Variants in NCOA7 observed in about 807,000 individuals in gnomAD.
NCOA7 encodes 140 kDa estrogen receptor-associated protein.
Under a neutral mutation model 104.3 loss-of-function variants are expected in NCOA7, and 45 were observed. The ratio of observed to expected loss-of-function variants is 0.43; its 90% CI spans 0.34 to 0.55. NCOA7 has a LOEUF of 0.55. Ranked by LOEUF, NCOA7 falls within the 20% of genes least tolerant of loss-of-function variation. NCOA7 has a pLI of 0.02. For synonymous variants in NCOA7, 398 were observed against 402.3 expected (o/e 0.99, Z 0.13); for missense variants, 1,041 against 1,119.7 (o/e 0.93, Z 1.00).
chr6:125,878,999 G>A (rs565668688), intron 5 of NCOA7, among the ~76,000 whole-genome samples: 2 of 152,148 alleles, frequency 1.3e-5, no homozygotes, highest in Non-Finnish European at 1.5e-5. Context: ...CAATTGAATC[G>A]CAATCTATGT....
At chr6:125,854,997 T>C (rs1376029323) in intron 2 of NCOA7, 23 bp from the exon 3 acceptor site, 28 of 1,519,446 alleles carry the variant, frequency 1.8e-5, no homozygotes, top group Non-Finnish European at 2.5e-5. Flanking sequence ...CAATGTTTTT[T>C]CTTTTTTTTC....
intron 2 of NCOA7, among the ~76,000 whole-genome samples, chr6:125,833,204 A>G (rs1779327956): frequency 6.6e-6 from 1 of 152,176 alleles, no homozygotes; most frequent in Non-Finnish European, 1.5e-5. Context: ...AGAAATTAAG[A>G]AAAAAGTGGA....
intron 15 of NCOA7, 91 bp downstream of exon 15, chr6:125,928,338 G>A (rs1023627412): frequency 8.4e-7 from 1 of 1,185,132 alleles, no homozygotes; most frequent in Non-Finnish European, 1.2e-6. Flanking sequence ...AAACTTCGGT[G>A]TCAGGTTATT....
chr6:125,815,528 G>T (rs1048919163), intron 2 of NCOA7, 124 bp downstream of exon 2: 46 of 717,786 alleles, frequency 6.4e-5, no homozygotes, highest in Non-Finnish European at 9.8e-5. Flanking sequence ...AGGTAACCAG[G>T]AGAAGTAAAC....
chr6:125,828,869 T>C (rs1311197203), intron 2 of NCOA7, among the ~76,000 whole-genome samples: 1 of 152,162 alleles, frequency 6.6e-6, no homozygotes, highest in East Asian at 1.9e-4. Context: ...GTTTTCTCAT[T>C]TTTATAGGCA....
chr6:125,821,509 G>C (rs1367974426), intron 2 of NCOA7, among the ~76,000 whole-genome samples: 3 of 152,150 alleles, frequency 2.0e-5, no homozygotes, highest in Non-Finnish European at 2.9e-5. Flanking sequence ...TCTGTGGGCA[G>C]TCTTGACAGC....
chr6:125,835,977 A>G (rs1014315645), intron 2 of NCOA7, among the ~76,000 whole-genome samples: 3 of 152,216 alleles, frequency 2.0e-5, no homozygotes, highest in African/African-American at 7.2e-5. Flanking sequence ...CATTGAATGG[A>G]TGATTTGACA....
intron 8 of NCOA7, among the ~76,000 whole-genome samples, chr6:125,886,527 A>C (rs923837352): frequency 2.0e-5 from 3 of 152,248 alleles, no homozygotes; most frequent in Admixed American, 2.0e-4. Flanking sequence ...ATTACAAGGG[A>C]TAATGCCATG....
chr6:125,781,921 T>C (rs575560936), intron 1 of NCOA7, among the ~76,000 whole-genome samples: 5 of 152,222 alleles, frequency 3.3e-5, no homozygotes, highest in African/African-American at 7.2e-5. Context: ...CTATAGAACA[T>C]TGAACACACA....
intron 2 of NCOA7, 63 bp from the exon 3 acceptor site, chr6:125,854,957 A>G: frequency 8.8e-7 from 1 of 1,134,688 alleles, no homozygotes; most frequent in Middle Eastern, 2.0e-4. Flanking sequence ...GCGTGAAATT[A>G]ATATGATTTC....
intron 10 of NCOA7, among the ~76,000 whole-genome samples, chr6:125,910,192 C>T (rs1786397251): frequency 6.6e-6 from 1 of 152,144 alleles, no homozygotes; most frequent in South Asian, 2.1e-4. Context: ...AAACATCGGG[C>T]ATAGCTGTGA....
At chr6:125,876,876 C>T in intron 4 of NCOA7, among the ~76,000 whole-genome samples, 1 of 152,052 alleles carries the variant, frequency 6.6e-6, no homozygotes, top group East Asian at 1.9e-4. Flanking sequence ...ACCAACATCC[C>T]TCTCGGGGTC....
intron 10 of NCOA7, 123 bp from the exon 11 acceptor site, chr6:125,915,210 T>G (rs1248798911): frequency 8.0e-6 from 10 of 1,246,766 alleles, no homozygotes; most frequent in Non-Finnish European, 1.0e-5. Flanking sequence ...TAATGGGAAA[T>G]TTTCAAATTA....
At chr6:125,919,276 C>T in intron 11 of NCOA7, 1 of 1,611,684 alleles carries the variant, frequency 6.2e-7, no homozygotes, top group Non-Finnish European at 8.5e-7. Flanking sequence ...AGCGTGGCTA[C>T]AAGTAACTGT....
chr6:125,912,802 AAAT>A (rs1296649736), intron 10 of NCOA7, among the ~76,000 whole-genome samples: 4 of 152,196 alleles, frequency 2.6e-5, no homozygotes, highest in African/African-American at 4.8e-5. Flanking sequence ...TTTTCCCAAC[AAAT>A]AATAATAAGA....
At chr6:125,899,497 G>A (rs1049213371) in intron 10 of NCOA7, among the ~76,000 whole-genome samples, 9 of 152,248 alleles carry the variant, frequency 5.9e-5, no homozygotes, top group East Asian at 3.9e-4. Context: ...CCTGTGATTC[G>A]TAAGTACCAC....
At chr6:125,907,135 G>T (rs1376118044) in intron 10 of NCOA7, among the ~76,000 whole-genome samples, 2 of 152,288 alleles carry the variant, frequency 1.3e-5, no homozygotes, top group Middle Eastern at 3.4e-3. Context: ...GGCATAGCAT[G>T]AGGGCCCTGT....
chr6:125,845,913 A>T (rs768792945), intron 2 of NCOA7, among the ~76,000 whole-genome samples: 28 of 152,164 alleles, frequency 1.8e-4, no homozygotes, highest in Non-Finnish European at 3.8e-4. Flanking sequence ...TTTCCACAAA[A>T]ATGGAGTCAT....
intron 1 of NCOA7, among the ~76,000 whole-genome samples, chr6:125,792,068 GT>G (rs1399571768): frequency 6.6e-6 from 1 of 151,278 alleles, no homozygotes; most frequent in African/African-American, 2.4e-5. Context: ...TCTTGAATCT[GT>G]TTTTTTTTAA....
Sources: allele counts gnomAD v4.1 joint callset (sites outside exome capture counted in the v4.1 genomes callset), GRCh38; gene constraint gnomAD v4.1.1; transcripts MANE v1.5; gene names NCBI Gene and HGNC (gene_info 2026-07-23, HGNC 2026-07-21).